The following L3MBTL4 variants were observed in gnomAD, a reference collection of about 807,000 sequenced individuals.
L3MBTL4 encodes L3MBTL histone methyl-lysine binding protein 4, also known as lethal(3)malignant brain tumor-like protein 4.
Under a neutral mutation model 84.5 loss-of-function variants are expected in L3MBTL4, and 70 were observed. That is an observed-to-expected ratio of 0.83 (90% CI 0.68 to 1.01). The LOEUF (loss-of-function observed/expected upper bound fraction) is 1.01. L3MBTL4 is among the 50% of genes least tolerant of loss of function. The probability of loss-of-function intolerance (pLI) is 0.00; values close to 1 mark genes in which losing one functional copy is unlikely to be tolerated. For synonymous variants in L3MBTL4, 274 were observed against 259.8 expected (o/e 1.05, Z -0.52); for missense variants, 715 against 754.8 (o/e 0.95, Z 0.62).
At position 6,294,714 on chromosome 18, in the gene L3MBTL4, C is replaced by A. The variant is rs200153982; in HGVS notation, c.127+7189G>T. Among the ~76,000 whole-genome samples the A allele has an allele frequency of 1.8e-4, 27 of 151,722 alleles. 1 individual carries two copies. The East Asian group carries it at 5.1e-3, about 28-fold the overall frequency. On this transcript the variant is annotated intron_variant, in intron 4 of 18. Coordinates refer to ENST00000317931, the MANE Select transcript of L3MBTL4 (RefSeq NM_001330559.2). The stretch of plus-strand genomic sequence containing the variant: ...TGACATTGTCTTTTGCTCAATCAAT[C>A]AAAACAAAACAAAACAAAACAAAAC...
intron 12 of L3MBTL4, among the ~76,000 whole-genome samples, chr18:6,182,218 T>C (rs1006502952): frequency 3.9e-5 from 6 of 152,248 alleles, no homozygotes; most frequent in South Asian, 2.1e-4. Flanking sequence ...GGTCTCTCAC[T>C]GTGGTTTTGA....
At chr18:5,986,176 C>A (rs1213511900) in intron 16 of L3MBTL4, among the ~76,000 whole-genome samples, 1 of 152,196 alleles carries the variant, frequency 6.6e-6, no homozygotes, top group Non-Finnish European at 1.5e-5. Context: ...AGTCTCCTAA[C>A]AAGTGAGCAT....
At chr18:6,126,555 T>G (rs946632825) in intron 14 of L3MBTL4, among the ~76,000 whole-genome samples, 10 of 152,188 alleles carry the variant, frequency 6.6e-5, no homozygotes, top group African/African-American at 2.4e-4. Flanking sequence ...ATGTATCAAA[T>G]AATATAGTAC....
chr18:6,053,926 C>A (rs28377986), intron 16 of L3MBTL4, among the ~76,000 whole-genome samples: 74 of 152,312 alleles, frequency 4.9e-4, no homozygotes, highest in African/African-American at 1.7e-3. Flanking sequence ...GTCTAATTGA[C>A]ATGCTTAGGT....
chr18:6,295,340 CTCTCTCTATATA>C (rs1320325101), intron 4 of L3MBTL4, among the ~76,000 whole-genome samples: 88 of 122,724 alleles, frequency 7.2e-4, no homozygotes, highest in African/African-American at 9.7e-4. Flanking sequence ...CTCTCTCTCT[CTCTCTCTATATA>C]TATATATATA....
chr18:6,255,310 A>T (rs2048090714), intron 5 of L3MBTL4, among the ~76,000 whole-genome samples: 1 of 152,152 alleles, frequency 6.6e-6, no homozygotes, highest in Admixed American at 6.5e-5. Flanking sequence ...AGTGCTTCAT[A>T]CCCCTACCAG....
chr18:6,347,770 G>A (rs1336586833), intron 1 of L3MBTL4, among the ~76,000 whole-genome samples: 1 of 151,740 alleles, frequency 6.6e-6, no homozygotes, highest in Non-Finnish European at 1.5e-5. Flanking sequence ...GTGGATGCCC[G>A]CTATCATCAC....
chr18:6,080,496 A>G (rs1248589719), intron 16 of L3MBTL4, among the ~76,000 whole-genome samples: 1 of 152,178 alleles, frequency 6.6e-6, no homozygotes, highest in Non-Finnish European at 1.5e-5. Flanking sequence ...TTTCTTACTA[A>G]TGAGGTGCAT....
intron 13 of L3MBTL4, among the ~76,000 whole-genome samples, chr18:6,145,477 C>T (rs1281541179): frequency 6.8e-6 from 1 of 146,434 alleles, no homozygotes; most frequent in Non-Finnish European, 1.5e-5. Flanking sequence ...TGATGTTGGC[C>T]AGCATCAAAA....
intron 16 of L3MBTL4, among the ~76,000 whole-genome samples, chr18:6,067,373 A>G (rs1159483036): frequency 2.0e-5 from 3 of 152,204 alleles, no homozygotes; most frequent in Non-Finnish European, 4.4e-5. Flanking sequence ...GTTTTCCTCA[A>G]TTATTCCCTC....
At chr18:6,088,691 T>C (rs1309724268) in intron 15 of L3MBTL4, among the ~76,000 whole-genome samples, 3 of 152,152 alleles carry the variant, frequency 2.0e-5, no homozygotes, top group Admixed American at 6.6e-5. Context: ...TTTACTCACT[T>C]GGAAGGTGAA....
chr18:6,181,971 T>C (rs1387766544), intron 12 of L3MBTL4, among the ~76,000 whole-genome samples: 1 of 152,194 alleles, frequency 6.6e-6, no homozygotes, highest in Non-Finnish European at 1.5e-5. Flanking sequence ...GTGATGAACA[T>C]GCACTTGCAT....
chr18:6,330,744 T>C (rs565110634), intron 1 of L3MBTL4, among the ~76,000 whole-genome samples: 1 of 152,256 alleles, frequency 6.6e-6, no homozygotes, highest in Admixed American at 6.5e-5. Flanking sequence ...TTTTTAAAAC[T>C]TCTACTACAA....
At chr18:6,020,725 A>G (rs982568948) in intron 16 of L3MBTL4, among the ~76,000 whole-genome samples, 3 of 152,200 alleles carry the variant, frequency 2.0e-5, no homozygotes, top group Non-Finnish European at 1.5e-5. Context: ...AGAGGAGTCA[A>G]GGACGCTCCT....
At chr18:6,340,687 A>G (rs2052565242) in intron 1 of L3MBTL4, among the ~76,000 whole-genome samples, 1 of 152,096 alleles carries the variant, frequency 6.6e-6, no homozygotes, top group Non-Finnish European at 1.5e-5. Flanking sequence ...AAATCCCTCA[A>G]AATGACTCTC....
At chr18:6,145,946 G>A (rs1402421002) in intron 13 of L3MBTL4, among the ~76,000 whole-genome samples, 1 of 152,150 alleles carries the variant, frequency 6.6e-6, no homozygotes, top group Admixed American at 6.5e-5. Flanking sequence ...CATGAAGTGG[G>A]GTAAGGAAGA....
intron 1 of L3MBTL4, among the ~76,000 whole-genome samples, chr18:6,387,289 G>A (rs341195): frequency 0.49 from 74,973 of 152,000 alleles, 18,677 homozygotes; most frequent in East Asian, 0.59. Flanking sequence ...GAAGTAAATG[G>A]TTAGATTTGT....
chr18:6,138,899 G>T (rs999014860), intron 13 of L3MBTL4, among the ~76,000 whole-genome samples: 5 of 152,158 alleles, frequency 3.3e-5, no homozygotes, highest in South Asian at 2.1e-4. Flanking sequence ...TAATGGCAAA[G>T]ACAATACAGC....
chr18:6,217,191 A>C (rs2046362340), intron 10 of L3MBTL4, among the ~76,000 whole-genome samples: 1 of 152,150 alleles, frequency 6.6e-6, no homozygotes, highest in Non-Finnish European at 1.5e-5. Flanking sequence ...CATTTTTCAA[A>C]AAACTAGCAT....
Sources: gnomAD v4.1 joint callset for allele counts (sites outside exome capture counted in the v4.1 genomes callset) on GRCh38, gnomAD v4.1.1 for gene constraint, MANE v1.5 for transcripts, NCBI Gene and HGNC (gene_info 2026-07-23, HGNC 2026-07-21) for gene names.